RS1: variants seen among roughly 807,000 people sequenced by gnomAD.
The protein encoded by RS1 is retinoschisin 1, also known as retinoschisin.
RS1 carries 2 observed loss-of-function variants against 20.8 expected under a neutral mutation model. That is an observed-to-expected ratio of 0.10 (90% CI 0.04 to 0.30). The LOEUF (loss-of-function observed/expected upper bound fraction) is 0.30, where lower values mean the gene tolerates loss of function less well. Among genes scored for constraint, RS1 ranks in the 10% least tolerant of loss-of-function variants. The pLI is 1.00. For missense variants in RS1, 151 were observed against 189.8 expected (o/e 0.80, Z 1.20); for synonymous variants, 70 against 75.8 (o/e 0.92, Z 0.40).
intron 1 of RS1, among the ~76,000 whole-genome samples, chrX:18,659,514 CT>C (rs200558825): frequency 0.036 from 4,038 of 111,798 alleles, 77 homozygotes; most frequent in Middle Eastern, 0.087. Flanking sequence ...AAGTTCAATT[CT>C]TCAGTCAAGC....
intron 3 of RS1, 62 bp from the exon 4 acceptor site, chrX:18,647,394 C>G: frequency 8.7e-7 from 1 of 1,155,111 alleles, no homozygotes. Flanking sequence ...CACCAGGTGA[C>G]TGAAATAACA....
Position 18,672,098 on chromosome X carries a change from C to T in RS1, c.-30G>A, listed in dbSNP as rs770267407. On this transcript the variant is annotated 5_prime_UTR_variant, in exon 1 of 6. Coordinates refer to ENST00000379984, the MANE Select transcript of RS1 (RefSeq NM_000330.4). ...CCCTCGTCCTCGGCCAAAGCTCTAC[C>T]TTACTGAACTGGAGAGCTGGCCCAG... 3.4e-6 allele frequency: 4 copies of T among 1,187,271 alleles called. 1 individual carries two copies. In the South Asian group the frequency reaches 7.1e-5, roughly 21 times the overall value.
At chrX:18,664,871 C>T (rs915079260) in intron 1 of RS1, among the ~76,000 whole-genome samples, 9 of 110,817 alleles carry the variant, frequency 8.1e-5, no homozygotes, top group African/African-American at 2.6e-4. Flanking sequence ...TGCGCTGCCA[C>T]GCTCAGCTAA....
intron 1 of RS1, among the ~76,000 whole-genome samples, chrX:18,668,019 G>A (rs1928432417): frequency 8.9e-6 from 1 of 111,908 alleles, no homozygotes; most frequent in South Asian, 3.7e-4. Context: ...ATATTGTAAT[G>A]GCAAAAACCG....
intron 2 of RS1, among the ~76,000 whole-genome samples, chrX:18,657,123 G>A (rs1374755403): frequency 9.2e-6 from 1 of 108,957 alleles, no homozygotes; most frequent in East Asian, 2.9e-4. Context: ...CCATCTGATT[G>A]AAGACCTGTT....
intron 1 of RS1, among the ~76,000 whole-genome samples, chrX:18,670,415 C>T (rs1316740089): frequency 2.7e-5 from 3 of 109,598 alleles, no homozygotes; most frequent in Non-Finnish European, 3.8e-5. Flanking sequence ...TTTGTAGAGA[C>T]GGGGTTTCAC....
chrX:18,651,359 G>A lies in RS1; in HGVS notation c.185-4027C>T, dbSNP rs775123786. Among the ~76,000 whole-genome samples, 82 of 109,416 alleles carry A rather than the reference G, an allele frequency of 7.5e-4. 1 individual carries two copies. In the Middle Eastern group the frequency reaches 0.014, roughly 19 times the overall value. Reference sequence around the variant, plus strand: ...TGTCGACAGCATCCCTTAAGCTTATGGACCTGGAAGATCTAGGCCTCACCA... The same window carrying A: ...TGTCGACAGCATCCCTTAAGCTTATAGACCTGGAAGATCTAGGCCTCACCA... On this transcript the variant is annotated intron_variant, in intron 3 of 5. Coordinates refer to ENST00000379984, the MANE Select transcript of RS1 (RefSeq NM_000330.4).
At chrX:18,651,489 G>A (rs1928047584) in intron 3 of RS1, among the ~76,000 whole-genome samples, 1 of 110,890 alleles carries the variant, frequency 9.0e-6, no homozygotes, top group South Asian at 3.8e-4. Flanking sequence ...TTCCCCTGAG[G>A]GGCTGGACTG....
At chrX:18,652,960 T>A (rs1168868818) in intron 3 of RS1, among the ~76,000 whole-genome samples, 1 of 112,678 alleles carries the variant, frequency 8.9e-6, no homozygotes, top group African/African-American at 3.2e-5. Flanking sequence ...GGCAGGCTTA[T>A]AAAGAATGCA....
At chrX:18,654,144 T>C (rs1928165079) in intron 3 of RS1, among the ~76,000 whole-genome samples, 1 of 101,940 alleles carries the variant, frequency 9.8e-6, no homozygotes, top group Non-Finnish European at 2.0e-5. Flanking sequence ...GACTCTTCTC[T>C]CTCTCTTTTT....
In RS1 at chrX:18,645,983, C is replaced by G. The variant is rs1007041619; in HGVS notation, c.326+1208G>C. 4.1e-6 allele frequency: 5 copies of G among 1,211,070 alleles called. No individual in the cohort carries two copies. In the South Asian group the frequency reaches 7.0e-5, roughly 17 times the overall value. ...GGCAAGTCATGCGCACTCTGCTGCT[C>G]TTTTGTTTCTCCCCACTAACTAGAC... is the stretch of plus-strand genomic sequence containing the variant. On this transcript the variant is annotated intron_variant, in intron 4 of 5. Transcript: ENST00000379984.
intron 1 of RS1, among the ~76,000 whole-genome samples, chrX:18,659,199 C>T (rs1302453559): frequency 3.6e-5 from 4 of 111,385 alleles, no homozygotes; most frequent in East Asian, 2.8e-4. Context: ...ATTGGCCGGG[C>T]GGGGTAGCTC....
At chrX:18,657,342 TC>T (rs1169150367) in intron 2 of RS1, among the ~76,000 whole-genome samples, 1 of 100,932 alleles carries the variant, frequency 9.9e-6, no homozygotes, top group Non-Finnish European at 2.0e-5. Flanking sequence ...TGCCTCAGCC[TC>T]CCAAGTAGCT....
rs752120798 is a variant in RS1, at chrX:18,650,491, G to A, written c.185-3159C>T. On this transcript the variant is annotated intron_variant, in intron 3 of 5. Transcript: ENST00000379984. ...CGAGCCCTTCATCGTCCAATCTCCA[G>A]TCCTGCTCCCTATCCAGTACTCCAG... 1.7e-6 allele frequency: 2 copies of A among 1,211,932 alleles called. No individual in the cohort carries two copies. Among genetic ancestry groups the A allele is most frequent in the Admixed American group, 4.3e-5 (2 of 46,057 alleles).
chrX:18,648,060 G>C (rs1452361782), intron 3 of RS1, among the ~76,000 whole-genome samples: 1 of 110,793 alleles, frequency 9.0e-6, no homozygotes, highest in Non-Finnish European at 1.9e-5. Context: ...GTTGAGGCTG[G>C]GCACGGTGAC....
At chrX:18,644,685 G>A (rs1035366970) in intron 4 of RS1, 60 bp from the exon 5 acceptor site, 9 of 1,110,720 alleles carry the variant, frequency 8.1e-6, no homozygotes, top group African/African-American at 5.5e-5. Context: ...CAAAAAGCCC[G>A]CAGGTGCTGG....
At position 18,640,275 on chromosome X, in the gene RS1, T is replaced by G; in HGVS notation, c.*1729A>C. 9.0e-6 allele frequency: 1 copy of G among 111,148 alleles called. No individual in the cohort carries two copies. Among genetic ancestry groups the G allele is most frequent in the Non-Finnish European group, 1.9e-5 (1 of 53,006 alleles). The allele number at this position is 111,148 out of a possible 1,213,427, so 9.2% of individuals were successfully genotyped here. The stretch of plus-strand genomic sequence containing the variant: ...CCCTGAACTGCACTCTCTCGACTCC[T>G]GTGTTTGATGTGCCTTAACTCTTAG... On this transcript the variant is annotated 3_prime_UTR_variant, in exon 6 of 6. Coordinates refer to ENST00000379984, the MANE Select transcript of RS1 (RefSeq NM_000330.4).
intron 1 of RS1, among the ~76,000 whole-genome samples, chrX:18,669,798 A>C (rs1380381818): frequency 8.9e-6 from 1 of 112,058 alleles, no homozygotes; most frequent in Non-Finnish European, 1.9e-5. Flanking sequence ...CCTCTGGCCC[A>C]GGGTAGGGCA....
At chrX:18,649,839 G>A (rs1927952162) in intron 3 of RS1, among the ~76,000 whole-genome samples, 1 of 112,179 alleles carries the variant, frequency 8.9e-6, no homozygotes, top group Non-Finnish European at 1.9e-5. Context: ...GGGAAGACAA[G>A]CCCGAGCGAT....
Sources: allele counts gnomAD v4.1 joint callset (sites outside exome capture counted in the v4.1 genomes callset), GRCh38; gene constraint gnomAD v4.1.1; transcripts MANE v1.5; gene names NCBI Gene and HGNC (gene_info 2026-07-23, HGNC 2026-07-21).